The following RYR3 variants were observed in gnomAD, a reference collection of about 807,000 sequenced individuals.
RYR3 encodes the protein ryanodine receptor 3, also known as brain ryanodine receptor-calcium release channel.
A neutral mutation model predicts 584.3 loss-of-function variants in RYR3; 207 were observed. That is an observed-to-expected ratio of 0.35 (90% confidence interval 0.32 to 0.40). The LOEUF is 0.40. Among genes scored for constraint, RYR3 ranks in the 10% least tolerant of loss-of-function variants. RYR3 has a pLI of 1.00. For synonymous variants in RYR3, 2,416 were observed against 2,248.5 expected, an observed-to-expected ratio of 1.07 and a Z score of -2.11; for missense variants, 5,616 against 6,089.2, an observed-to-expected ratio of 0.92 and a Z score of 2.59.
chr15:33,863,840 G>T (rs1056007928), intron 102 of RYR3, among the ~76,000 whole-genome samples: 1 of 152,000 alleles, frequency 6.6e-6, no homozygotes, highest in African/African-American at 2.4e-5. Flanking sequence ...TGTTTTATTA[G>T]AATTTTGTTA....
intron 8 of RYR3, among the ~76,000 whole-genome samples, chr15:33,546,524 G>A (rs554247450): frequency 1.3e-5 from 2 of 152,180 alleles, no homozygotes; most frequent in South Asian, 4.1e-4. Flanking sequence ...ACCTTCCAGA[G>A]GTAACCATTG....
chr15:33,720,469 G>A (rs1040223099), intron 43 of RYR3, among the ~76,000 whole-genome samples: 1 of 152,184 alleles, frequency 6.6e-6, no homozygotes, highest in Non-Finnish European at 1.5e-5. Context: ...GATGGAGCAT[G>A]CATATCTGAA....
intron 18 of RYR3, among the ~76,000 whole-genome samples, chr15:33,606,344 C>T (rs189836503): frequency 1.4e-4 from 22 of 152,272 alleles, no homozygotes; most frequent in Non-Finnish European, 2.9e-5. Flanking sequence ...GTTATAAAGA[C>T]CAAATCCAGA....
chr15:33,635,447 G>A (rs1179849650), intron 25 of RYR3, among the ~76,000 whole-genome samples, 167 bp from the exon 26 acceptor site: 1 of 152,200 alleles, frequency 6.6e-6, no homozygotes, highest in Non-Finnish European at 1.5e-5. Flanking sequence ...GTATGGTGAT[G>A]ATGATGACGA....
intron 1 of RYR3, among the ~76,000 whole-genome samples, chr15:33,371,359 C>T (rs1477501298): frequency 6.6e-6 from 1 of 152,092 alleles, no homozygotes; most frequent in African/African-American, 2.4e-5. Context: ...TATCAAGGCT[C>T]CTGCAGGAGG....
chr15:33,784,161 G>T (rs2074561870), intron 65 of RYR3, among the ~76,000 whole-genome samples: 1 of 152,344 alleles, frequency 6.6e-6, no homozygotes, highest in East Asian at 1.9e-4. Context: ...AGAATCACTT[G>T]TCTCAGCTGC....
chr15:33,602,558 T>A (rs1473062854), intron 17 of RYR3, among the ~76,000 whole-genome samples: 3 of 152,148 alleles, frequency 2.0e-5, no homozygotes, highest in African/African-American at 7.2e-5. Flanking sequence ...TTTGTAATCT[T>A]ACAAATCTGT....
At chr15:33,432,668 T>TTTTGTGTGTGTGTGTGTGTGTG (rs1555469374) in intron 1 of RYR3, among the ~76,000 whole-genome samples, 2 of 132,142 alleles carry the variant, frequency 1.5e-5, no homozygotes, top group African/African-American at 3.2e-5. Flanking sequence ...GCCTAGCTAA[T>TTTTGTGTGTGTGTGTGTGTGTG]TGTGTGTGTG....
At chr15:33,386,443 A>G (rs192689394) in intron 1 of RYR3, among the ~76,000 whole-genome samples, 2 of 152,342 alleles carry the variant, frequency 1.3e-5, no homozygotes, top group East Asian at 1.9e-4. Flanking sequence ...GAGCTGGTGC[A>G]CTCAAATCAA....
At chr15:33,499,373 A>C (rs1350493731) in intron 2 of RYR3, among the ~76,000 whole-genome samples, 1 of 150,832 alleles carries the variant, frequency 6.6e-6, no homozygotes, top group African/African-American at 2.4e-5. Flanking sequence ...AGACATCCTC[A>C]ACTCTGTGTG....
At chr15:33,846,661 A>T (rs1040613171) in intron 93 of RYR3, among the ~76,000 whole-genome samples, 1 of 152,060 alleles carries the variant, frequency 6.6e-6, no homozygotes, top group South Asian at 2.1e-4. Context: ...TGCTGCAGAG[A>T]CCTTATGCCC....
At chr15:33,623,269 C>A (rs1260793997) in intron 19 of RYR3, among the ~76,000 whole-genome samples, 1 of 152,192 alleles carries the variant, frequency 6.6e-6, no homozygotes, top group Admixed American at 6.5e-5. Context: ...TTTTAAGTAA[C>A]CTCGCCAGCC....
rs1393569316 is a variant in RYR3, at chr15:33,698,052, G to A, written c.6249+56G>A. The A allele has an allele frequency of 7.4e-6, 9 of 1,220,974 alleles. No homozygotes were observed. The Admixed American group carries it at 1.5e-4, about 21-fold the overall frequency. The allele number at this position is 1,220,974 out of a possible 1,614,324, so 75.6% of individuals were successfully genotyped here. A position where few individuals can be genotyped will look rare whatever the true frequency, so the allele number is the denominator to read the frequency against. On this transcript the variant is annotated intron_variant, in intron 40 of 103. Transcript: ENST00000634891. ...TTGTCCCTTGAGGCAGGAGCACGAG[G>A]TGACTTGTTCAGAGCCACGTGGCTG... is the stretch of plus-strand genomic sequence containing the variant.
intron 49 of RYR3, among the ~76,000 whole-genome samples, chr15:33,738,132 G>A (rs1248788824): frequency 1.3e-5 from 2 of 152,116 alleles, no homozygotes; most frequent in Non-Finnish European, 2.9e-5. Context: ...AGCTCACAGT[G>A]GCTACTTTCA....
chr15:33,842,574 C>T (rs1258385761), intron 91 of RYR3, among the ~76,000 whole-genome samples: 1 of 152,208 alleles, frequency 6.6e-6, no homozygotes, highest in Non-Finnish European at 1.5e-5. Context: ...AGTGAGGGCT[C>T]CCCACAGAGA....
In RYR3 at chr15:33,657,849, G is replaced by C. The variant is rs1426319465; in HGVS notation, c.4309-1871G>C. Among the ~76,000 whole-genome samples the C allele has an allele frequency of 2.6e-5, 4 of 152,106 alleles. No individual in the cohort carries two copies. In the East Asian group the frequency reaches 7.7e-4, roughly 29 times the overall value. ...GATCATGTACTGGATGAAAGTCTGGGGTTTAACCAATCCAGCCTATTTCAT... is the reference window on the plus strand; with the variant it reads ...GATCATGTACTGGATGAAAGTCTGGCGTTTAACCAATCCAGCCTATTTCAT... On this transcript the variant is annotated intron_variant, in intron 32 of 103. Coordinates refer to ENST00000634891, the MANE Select transcript of RYR3 (RefSeq NM_001036.6).
In RYR3 at chr15:33,810,464, A is replaced by G. The variant is rs2152944107; in HGVS notation, c.10027-15A>G. The G allele has an allele frequency of 6.2e-7, 1 of 1,613,674 alleles. No individual in the cohort carries two copies. The highest frequency in any genetic ancestry group is 8.5e-7 in the Non-Finnish European group (1 of 1,179,676). Reference sequence around the variant, plus strand: ...CACTGAACCCCTCTCTGTTTATTTCAACATCATCTCCTAGTCTGGAGGACA... The same window carrying G: ...CACTGAACCCCTCTCTGTTTATTTCGACATCATCTCCTAGTCTGGAGGACA... On this transcript the variant is annotated splice_polypyrimidine_tract_variant and intron_variant, in intron 70 of 103. Transcript: ENST00000634891.
intron 1 of RYR3, among the ~76,000 whole-genome samples, chr15:33,351,803 A>G (rs1973306330): frequency 2.0e-5 from 3 of 150,676 alleles, no homozygotes; most frequent in Admixed American, 2.0e-4. Context: ...AGCCAATATC[A>G]TACTGAATGG....
intron 1 of RYR3, among the ~76,000 whole-genome samples, chr15:33,313,347 C>T (rs904637630): frequency 3.9e-5 from 6 of 152,166 alleles, no homozygotes; most frequent in South Asian, 2.1e-4. Flanking sequence ...TTGAGCGTTA[C>T]GCCAGATGTT....
Sources: allele counts gnomAD v4.1 joint callset (sites outside exome capture counted in the v4.1 genomes callset), GRCh38; gene constraint gnomAD v4.1.1; transcripts MANE v1.5; gene names NCBI Gene and HGNC (gene_info 2026-07-23, HGNC 2026-07-21).